CNTN4: variants seen among roughly 807,000 people sequenced by gnomAD.
The protein encoded by CNTN4 is contactin-4.
Under a neutral mutation model 122.5 loss-of-function variants are expected in CNTN4, and 77 were observed. The observed-to-expected ratio is 0.63, with a 90% CI of 0.52 to 0.76. The LOEUF is 0.76. Among genes scored for constraint, CNTN4 ranks in the 30% least tolerant of loss-of-function variants. CNTN4 has a pLI of 0.00. For synonymous variants in CNTN4, 512 were observed against 447.0 expected (o/e 1.15, Z -1.83); for missense variants, 1,256 against 1,259.1 (o/e 1.00, Z 0.04).
At chr3:2,262,350 C>T (rs1287896484) in intron 2 of CNTN4, 4 of 152,058 alleles carry the variant, frequency 2.6e-5, no homozygotes, top group Admixed American at 6.6e-5. Flanking sequence ...CTGCAGACTT[C>T]GCTAACTGAT....
intron 3 of CNTN4, among the ~76,000 whole-genome samples, chr3:2,346,083 T>G (rs931185723): frequency 1.6e-4 from 25 of 152,330 alleles, no homozygotes; most frequent in African/African-American, 6.0e-4. Flanking sequence ...TTATTTTGAT[T>G]CCTGAAATAT....
intron 2 of CNTN4, among the ~76,000 whole-genome samples, chr3:2,160,176 C>G (rs940317141): frequency 2.0e-5 from 3 of 152,156 alleles, no homozygotes; most frequent in African/African-American, 7.2e-5. Context: ...GTCAGTCTCA[C>G]TGTGATCCTT....
chr3:2,606,910 A>G (rs2081282677), intron 4 of CNTN4, among the ~76,000 whole-genome samples: 1 of 152,218 alleles, frequency 6.6e-6, no homozygotes, highest in South Asian at 2.1e-4. Context: ...TAAAAATGAT[A>G]ACTTCAGAGA....
chr3:2,606,101 G>A (rs186972987), intron 4 of CNTN4, among the ~76,000 whole-genome samples: 4 of 152,232 alleles, frequency 2.6e-5, no homozygotes, highest in Non-Finnish European at 5.9e-5. Context: ...TTGGGTAATA[G>A]GGGAAGATAT....
chr3:2,423,639 T>A (rs2047696187), intron 3 of CNTN4, among the ~76,000 whole-genome samples: 1 of 152,178 alleles, frequency 6.6e-6, no homozygotes, highest in Non-Finnish European at 1.5e-5. Context: ...GTCCAGTATT[T>A]GTCTACTTAA....
chr3:2,125,805 C>A (rs907566851), intron 2 of CNTN4, among the ~76,000 whole-genome samples: 10 of 152,000 alleles, frequency 6.6e-5, no homozygotes, highest in Admixed American at 2.0e-4. Context: ...ATCCGCCCGC[C>A]TCAGCCTCCC....
chr3:2,855,953 T>G (rs1285062352), intron 7 of CNTN4, among the ~76,000 whole-genome samples: 1 of 152,188 alleles, frequency 6.6e-6, no homozygotes, highest in African/African-American at 2.4e-5. Context: ...TTGTTGTTAT[T>G]TTTTCCCTCC....
At chr3:2,774,739 C>G (rs141072215) in intron 6 of CNTN4, among the ~76,000 whole-genome samples, 1 of 152,096 alleles carries the variant, frequency 6.6e-6, no homozygotes, top group Non-Finnish European at 1.5e-5. Context: ...ATGACTGTTA[C>G]AGCAGTTTTG....
rs1166041189 is a variant in CNTN4, at chr3:2,702,070, A to C, written c.56-34145A>C. On this transcript the variant is annotated intron_variant, in intron 4 of 24. Transcript: ENST00000418658. ...ATTCTCAGGAAAACCTGGCCAGTAG[A>C]ATGAATGGGCTCTAAGCTTTGTTGT... is the stretch of plus-strand genomic sequence containing the variant. Among the ~76,000 whole-genome samples the C allele has an allele frequency of 2.0e-5, 3 of 152,176 alleles. No homozygotes were observed. In the East Asian group the frequency reaches 5.8e-4, roughly 29 times the overall value.
At position 3,054,271 on chromosome 3, in the gene CNTN4, G is replaced by GC. The variant is rs35516956; in HGVS notation, c.2980+300dup. On this transcript the variant is annotated intron_variant, in intron 24 of 24. Transcript: ENST00000418658. ...TGTAGTTTGCATTGCATCTATTGTA[G>GC]CCCCAGAATTACAGTTTAGAAAGTG... 0.81 allele frequency among the ~76,000 whole-genome samples: 122,743 copies of GC among 152,110 alleles called. 50,217 individuals carry two copies. The highest frequency in any genetic ancestry group is 0.88 in the Non-Finnish European group (60,111 of 67,998).
At chr3:2,900,919 A>G in intron 11 of CNTN4, 98 bp downstream of exon 11, 2 of 1,424,478 alleles carry the variant, frequency 1.4e-6, no homozygotes, top group Non-Finnish European at 2.0e-6. Context: ...TGTTTCTAAA[A>G]TAATATGCAA....
At chr3:2,235,363 A>T (rs1336315816) in intron 2 of CNTN4, among the ~76,000 whole-genome samples, 1 of 152,212 alleles carries the variant, frequency 6.6e-6, no homozygotes, top group Admixed American at 6.5e-5. Context: ...AGAACCTCAA[A>T]TATCTATCCA....
At chr3:2,829,563 A>G (rs2093058351) in intron 7 of CNTN4, among the ~76,000 whole-genome samples, 1 of 152,150 alleles carries the variant, frequency 6.6e-6, no homozygotes, top group African/African-American at 2.4e-5. Context: ...TGAGGTGGAT[A>G]TTTCTGATTT....
intron 3 of CNTN4, among the ~76,000 whole-genome samples, chr3:2,394,021 G>A (rs558659112): frequency 1.3e-5 from 2 of 152,106 alleles, no homozygotes; most frequent in Admixed American, 6.5e-5. Context: ...TTACAAATAA[G>A]AAAAGTAAGA....
intron 3 of CNTN4, among the ~76,000 whole-genome samples, chr3:2,448,103 A>G (rs2048690357): frequency 6.6e-6 from 1 of 152,194 alleles, no homozygotes; most frequent in South Asian, 2.1e-4. Flanking sequence ...GATCATGGAC[A>G]CTAACAGGAT....
At chr3:2,300,374 T>C (rs1185085) in intron 2 of CNTN4, among the ~76,000 whole-genome samples, 48,098 of 151,736 alleles carry the variant, frequency 0.32, 7,993 homozygotes, top group East Asian at 0.58. Flanking sequence ...GAGGGGAGAA[T>C]TGTTGGGAAA....
At chr3:2,376,858 A>G (rs947530127) in intron 3 of CNTN4, among the ~76,000 whole-genome samples, 4 of 152,180 alleles carry the variant, frequency 2.6e-5, no homozygotes, top group Non-Finnish European at 5.9e-5. Flanking sequence ...TTAACACAAA[A>G]AGAAAATGAC....
chr3:2,324,665 C>T (rs1185569421), intron 2 of CNTN4, among the ~76,000 whole-genome samples: 1 of 152,092 alleles, frequency 6.6e-6, no homozygotes, highest in African/African-American at 2.4e-5. Flanking sequence ...GAGCCTACCC[C>T]AAAAGGTAAA....
chr3:2,542,388 G>A (rs983516641), intron 3 of CNTN4, among the ~76,000 whole-genome samples: 1 of 152,110 alleles, frequency 6.6e-6, no homozygotes, highest in Admixed American at 6.6e-5. Context: ...CAAAGGAAGA[G>A]AAATAGCCAA....
Sources: gnomAD v4.1 joint callset for allele counts (sites outside exome capture counted in the v4.1 genomes callset) on GRCh38, gnomAD v4.1.1 for gene constraint, MANE v1.5 for transcripts, NCBI Gene and HGNC (gene_info 2026-07-23, HGNC 2026-07-21) for gene names.